Variants in RANBP2 observed in about 807,000 individuals in gnomAD.
RANBP2 encodes the protein E3 SUMO-protein ligase RanBP2.
In RANBP2, 57 loss-of-function variants were observed where a neutral mutation model predicts 303.6. The observed-to-expected ratio is 0.19, with a 90% CI of 0.15 to 0.23. RANBP2 has a LOEUF of 0.23. RANBP2 is among the 10% of genes least tolerant of loss of function. The pLI is 1.00. For synonymous variants in RANBP2, 1,167 were observed against 1,301.5 expected, an observed-to-expected ratio of 0.90 and a Z score of 2.23; for missense variants, 3,138 against 3,780.8, an observed-to-expected ratio of 0.83 and a Z score of 4.46.
chr2:109,330,249 G>A, the RANBP2 span, among the ~76,000 whole-genome samples: 1 of 152,176 alleles, frequency 6.6e-6, no homozygotes, highest in African/African-American at 2.4e-5. Context: ...GCAGAAAGAA[G>A]AATGTTGCCT....
chr2:109,308,108 T>A, the RANBP2 span, among the ~76,000 whole-genome samples: 1 of 145,414 alleles, frequency 6.9e-6, no homozygotes, highest in Non-Finnish European at 1.5e-5. Context: ...TTTTAATGAT[T>A]GCCATTCTAA....
At chr2:108,863,652 G>C in the RANBP2 span, among the ~76,000 whole-genome samples, 1 of 152,100 alleles carries the variant, frequency 6.6e-6, no homozygotes. Context: ...CATAACCTTT[G>C]TTTTTAATTA....
the RANBP2 span, among the ~76,000 whole-genome samples, chr2:109,150,340 GC>G: frequency 6.6e-6 from 1 of 152,166 alleles, no homozygotes; most frequent in Non-Finnish European, 1.5e-5. Context: ...GGAGAGGATG[GC>G]CGAGGCAGGT....
At chr2:109,701,442 C>T in the RANBP2 span, among the ~76,000 whole-genome samples, 1 of 152,112 alleles carries the variant, frequency 6.6e-6, no homozygotes, top group African/African-American at 2.4e-5. Context: ...GTAAGCTGTA[C>T]AGTGGTTTGG....
the RANBP2 span, among the ~76,000 whole-genome samples, chr2:108,943,906 T>G: frequency 1.3e-5 from 2 of 152,176 alleles, no homozygotes; most frequent in Non-Finnish European, 2.9e-5. Flanking sequence ...CCACTGCACC[T>G]CAGTTACGTT....
intron 25 of RANBP2, among the ~76,000 whole-genome samples, chr2:108,779,173 C>G (rs1678074850): frequency 6.7e-6 from 1 of 149,376 alleles, no homozygotes; most frequent in Non-Finnish European, 1.5e-5. Context: ...GTCTTTCTGT[C>G]TCTTTTTTTT....
chr2:109,585,380 T>C, the RANBP2 span: 16 of 1,368,802 alleles, frequency 1.2e-5, no homozygotes, highest in African/African-American at 2.2e-4. Context: ...GAAATACAAC[T>C]GTAAATGCCT....
the RANBP2 span, chr2:108,897,328 A>T: frequency 5.7e-6 from 7 of 1,228,934 alleles, no homozygotes; most frequent in Non-Finnish European, 8.0e-6. Context: ...TATTTGAAAA[A>T]AATTTTTTTA....
At chr2:109,711,861 G>A in the RANBP2 span, among the ~76,000 whole-genome samples, 6 of 152,070 alleles carry the variant, frequency 3.9e-5, no homozygotes. Flanking sequence ...CATCTGTTGA[G>A]CCCACTTCAG....
At chr2:108,774,987 C>G in intron 23 of RANBP2, among the ~76,000 whole-genome samples, 1 of 151,938 alleles carries the variant, frequency 6.6e-6, no homozygotes, top group East Asian at 1.9e-4. Context: ...CCACTGGGCC[C>G]GGCCTAGTTT....
chr2:108,810,592 A>C, the RANBP2 span, among the ~76,000 whole-genome samples: 21 of 152,224 alleles, frequency 1.4e-4, no homozygotes, highest in African/African-American at 4.8e-4. Flanking sequence ...TTTTGCATCT[A>C]TGTTCATCAG....
chr2:109,188,546 C>T, the RANBP2 span, among the ~76,000 whole-genome samples: 1 of 152,194 alleles, frequency 6.6e-6, no homozygotes, highest in Non-Finnish European at 1.5e-5. Flanking sequence ...GCGGCATCCC[C>T]CGTCATTGTG....
At chr2:108,929,701 C>T in the RANBP2 span, among the ~76,000 whole-genome samples, 2 of 152,196 alleles carry the variant, frequency 1.3e-5, no homozygotes, top group Admixed American at 6.5e-5. Flanking sequence ...CTACAAGAAC[C>T]GGACACTGAA....
chr2:109,128,392 G>A, the RANBP2 span: 1 of 152,156 alleles, frequency 6.6e-6, no homozygotes, highest in African/African-American at 2.4e-5. Context: ...CGTCGCCAAG[G>A]GTGCGGCGTG....
the RANBP2 span, among the ~76,000 whole-genome samples, chr2:109,588,747 T>A: frequency 6.6e-6 from 1 of 151,644 alleles, no homozygotes; most frequent in African/African-American, 2.4e-5. Flanking sequence ...TGCCTCAGCT[T>A]CTCAAAGTGC....
At chr2:109,591,739 A>G in the RANBP2 span, among the ~76,000 whole-genome samples, 31 of 152,138 alleles carry the variant, frequency 2.0e-4, no homozygotes, top group African/African-American at 7.5e-4. Context: ...CTCTAGTAAC[A>G]ATACAAAAAT....
At chr2:109,679,540 C>T in the RANBP2 span, among the ~76,000 whole-genome samples, 1 of 152,164 alleles carries the variant, frequency 6.6e-6, no homozygotes, top group Non-Finnish European at 1.5e-5. Context: ...TTACACCCAC[C>T]GGCTCCAGGA....
the RANBP2 span, among the ~76,000 whole-genome samples, chr2:108,912,490 C>G: frequency 6.6e-6 from 1 of 152,174 alleles, no homozygotes; most frequent in Non-Finnish European, 1.5e-5. Context: ...ATAGAGGGAT[C>G]AACTCTGATT....
the RANBP2 span, among the ~76,000 whole-genome samples, chr2:109,517,381 C>T: frequency 6.6e-6 from 1 of 152,180 alleles, no homozygotes; most frequent in Non-Finnish European, 1.5e-5. Flanking sequence ...ATTCATGTGT[C>T]AACCTGAGGC....
Sources: gnomAD v4.1 joint callset for allele counts (sites outside exome capture counted in the v4.1 genomes callset) on GRCh38, gnomAD v4.1.1 for gene constraint, MANE v1.5 for transcripts, NCBI Gene and HGNC (gene_info 2026-07-23, HGNC 2026-07-21) for gene names.